GRID2: variants seen among roughly 807,000 people sequenced by gnomAD.
The protein encoded by GRID2 is glutamate receptor ionotropic, delta-2.
GRID2 carries 33 observed loss-of-function variants against 114.8 expected under a neutral mutation model. The ratio of observed to expected loss-of-function variants is 0.29; its 90% CI spans 0.22 to 0.38. The LOEUF (loss-of-function observed/expected upper bound fraction) is 0.38. Among genes scored for constraint, GRID2 ranks in the 10% least tolerant of loss-of-function variants. GRID2 has a pLI of 1.00. For missense variants in GRID2, 1,184 were observed against 1,257.7 expected, an observed-to-expected ratio of 0.94 and a Z score of 0.89; for synonymous variants, 505 against 449.9, an observed-to-expected ratio of 1.12 and a Z score of -1.55.
chr4:93,518,000 T>TAC lies in GRID2; in HGVS notation c.2193+2590_2193+2591insCA, dbSNP rs1578174502. Among the ~76,000 whole-genome samples the TAC allele has an allele frequency of 1.6e-3, 29 of 17,692 alleles. 1 individual carries two copies. The highest frequency in any genetic ancestry group is 0.011 in the South Asian group (9 of 824). The allele number at this position is 17,692 out of a possible 152,430, so 11.6% of individuals were successfully genotyped here. On this transcript the variant is annotated intron_variant, in intron 13 of 15. Coordinates refer to ENST00000282020, the MANE Select transcript of GRID2 (RefSeq NM_001510.4). ...GTACATGTATGTATATACATACATG[T>TAC]ATATGTATGTATATACATACATGTA... is the stretch of plus-strand genomic sequence containing the variant.
At chr4:93,477,326 T>C (rs1268506505) in intron 11 of GRID2, among the ~76,000 whole-genome samples, 2 of 152,116 alleles carry the variant, frequency 1.3e-5, no homozygotes, top group African/African-American at 4.8e-5. Flanking sequence ...ACTATCACAA[T>C]GACAGTTAAA....
At chr4:92,475,272 C>T (rs1722248733) in intron 1 of GRID2, among the ~76,000 whole-genome samples, 1 of 151,234 alleles carries the variant, frequency 6.6e-6, no homozygotes. Flanking sequence ...AACTTTTCTC[C>T]TGTGTTTTCT....
At chr4:93,433,951 C>T (rs1720824401) in intron 10 of GRID2, among the ~76,000 whole-genome samples, 1 of 152,090 alleles carries the variant, frequency 6.6e-6, no homozygotes, top group Non-Finnish European at 1.5e-5. Flanking sequence ...TGATATTCAA[C>T]CTCAAAATCC....
intron 1 of GRID2, among the ~76,000 whole-genome samples, chr4:92,577,046 C>T (rs548549055): frequency 6.6e-6 from 1 of 152,204 alleles, no homozygotes; most frequent in South Asian, 2.1e-4. Context: ...AACATAAATT[C>T]TCCATTTTGA....
chr4:92,701,978 G>A (rs987746677), intron 2 of GRID2, among the ~76,000 whole-genome samples: 13 of 152,042 alleles, frequency 8.6e-5, no homozygotes, highest in Non-Finnish European at 1.0e-4. Flanking sequence ...GGATAACAGC[G>A]CAATCCTATT....
intron 2 of GRID2, among the ~76,000 whole-genome samples, chr4:92,806,586 T>G (rs1319776261): frequency 6.6e-6 from 1 of 151,908 alleles, no homozygotes; most frequent in Non-Finnish European, 1.5e-5. Flanking sequence ...GTGCTAAGTA[T>G]GATAATTAGG....
At chr4:92,494,410 T>G (rs986174763) in intron 1 of GRID2, among the ~76,000 whole-genome samples, 6 of 152,048 alleles carry the variant, frequency 3.9e-5, no homozygotes, top group African/African-American at 1.4e-4. Flanking sequence ...AGGTCATTAG[T>G]ATTAGAATTA....
At chr4:92,640,838 A>G (rs1731306709) in intron 2 of GRID2, among the ~76,000 whole-genome samples, 1 of 151,938 alleles carries the variant, frequency 6.6e-6, no homozygotes, top group African/African-American at 2.4e-5. Context: ...AAAAACAAAA[A>G]GTATATTCTT....
At chr4:92,311,141 TGGAG>T (rs1725687567) in intron 1 of GRID2, among the ~76,000 whole-genome samples, 1 of 152,060 alleles carries the variant, frequency 6.6e-6, no homozygotes, top group Non-Finnish European at 1.5e-5. Flanking sequence ...TAACACTAAT[TGGAG>T]GGATGAATAG....
chr4:93,295,399 G>T (rs1018268527), intron 8 of GRID2, among the ~76,000 whole-genome samples: 1 of 152,196 alleles, frequency 6.6e-6, no homozygotes, highest in African/African-American at 2.4e-5. Context: ...AATGCCAAAT[G>T]TATCAATCGG....
intron 1 of GRID2, among the ~76,000 whole-genome samples, chr4:92,402,215 C>T (rs974173970): frequency 3.3e-5 from 5 of 152,086 alleles, no homozygotes; most frequent in African/African-American, 9.7e-5. Flanking sequence ...CTTCCTTCAC[C>T]GAATTCTTGA....
At chr4:92,380,955 A>G (rs1729593483) in intron 1 of GRID2, among the ~76,000 whole-genome samples, 1 of 152,058 alleles carries the variant, frequency 6.6e-6, no homozygotes, top group African/African-American at 2.4e-5. Context: ...ACTAAATAAT[A>G]TACTTTGCAA....
intron 14 of GRID2, among the ~76,000 whole-genome samples, chr4:93,688,057 C>G (rs1726228500): frequency 1.3e-5 from 2 of 151,632 alleles, no homozygotes; most frequent in African/African-American, 4.8e-5. Context: ...GGTTGGATGG[C>G]AGGAAGATAA....
chr4:93,489,340 A>G (rs1052251499), intron 11 of GRID2, among the ~76,000 whole-genome samples: 3 of 152,082 alleles, frequency 2.0e-5, no homozygotes, highest in Admixed American at 1.3e-4. Context: ...GCATGGCTCT[A>G]TAGAGGAAAT....
intron 14 of GRID2, among the ~76,000 whole-genome samples, chr4:93,679,446 A>T (rs1204249426): frequency 6.6e-6 from 1 of 150,540 alleles, no homozygotes; most frequent in East Asian, 1.9e-4. Flanking sequence ...CATCTACAGA[A>T]CTCTCCACCC....
intron 14 of GRID2, among the ~76,000 whole-genome samples, chr4:93,636,016 T>C (rs72672405): frequency 0.02 from 3,052 of 152,314 alleles, 36 homozygotes; most frequent in South Asian, 0.023. Context: ...TTTTAAGTGA[T>C]ACAAATTTCC....
intron 2 of GRID2, among the ~76,000 whole-genome samples, chr4:93,033,564 G>A (rs1724639199): frequency 6.6e-6 from 1 of 152,096 alleles, no homozygotes; most frequent in Non-Finnish European, 1.5e-5. Flanking sequence ...GATCTTAGGA[G>A]GTCTAGCTAT....
chr4:92,913,203 A>C (rs1748518068), intron 2 of GRID2, among the ~76,000 whole-genome samples: 1 of 151,854 alleles, frequency 6.6e-6, no homozygotes, highest in African/African-American at 2.4e-5. Flanking sequence ...GTGAATATCA[A>C]GTTTGAAATA....
chr4:93,312,706 T>C (rs1756148775), intron 8 of GRID2, among the ~76,000 whole-genome samples: 1 of 152,090 alleles, frequency 6.6e-6, no homozygotes, highest in African/African-American at 2.4e-5. Flanking sequence ...AGAATACACA[T>C]AGGAAGTCAT....
Sources: allele counts gnomAD v4.1 joint callset (sites outside exome capture counted in the v4.1 genomes callset), GRCh38; gene constraint gnomAD v4.1.1; transcripts MANE v1.5; gene names NCBI Gene and HGNC (gene_info 2026-07-23, HGNC 2026-07-21).